RBMS1: variants seen among roughly 807,000 people sequenced by gnomAD.
RBMS1 encodes the protein RNA binding motif single stranded interacting protein 1, also known as RNA-binding motif, single-stranded-interacting protein 1.
A neutral mutation model predicts 62.3 loss-of-function variants in RBMS1; 17 were observed. The observed-to-expected ratio is 0.27, with a 90% confidence interval of 0.19 to 0.41. The LOEUF (loss-of-function observed/expected upper bound fraction) is 0.41, where lower values mean the gene tolerates loss of function less well. Among genes scored for constraint, RBMS1 ranks in the 10% least tolerant of loss-of-function variants. The probability of loss-of-function intolerance (pLI) is 1.00; values close to 1 mark genes in which losing one functional copy is unlikely to be tolerated. For missense variants in RBMS1, 334 were observed against 504.5 expected (o/e 0.66, Z 3.24); for synonymous variants, 172 against 170.0 (o/e 1.01, Z -0.09).
chr2:160,433,470 T>C (rs1336228475), intron 1 of RBMS1, among the ~76,000 whole-genome samples: 1 of 152,238 alleles, frequency 6.6e-6, no homozygotes, highest in Non-Finnish European at 1.5e-5. Flanking sequence ...TTCACAGTTA[T>C]GAGAACTTGA....
intron 1 of RBMS1, among the ~76,000 whole-genome samples, chr2:160,448,735 G>C (rs568978721): frequency 1.3e-5 from 2 of 152,194 alleles, no homozygotes; most frequent in African/African-American, 4.8e-5. Flanking sequence ...GAAGTGAGGA[G>C]CGTCTCTGCC....
chr2:160,387,271 T>A (rs2105202414), intron 1 of RBMS1, among the ~76,000 whole-genome samples: 1 of 152,272 alleles, frequency 6.6e-6, no homozygotes, highest in Non-Finnish European at 1.5e-5. Flanking sequence ...CTGAGGCAAG[T>A]GAGATTACAT....
chr2:160,489,493 T>C (rs1259180370), intron 1 of RBMS1, among the ~76,000 whole-genome samples: 4 of 152,194 alleles, frequency 2.6e-5, no homozygotes, highest in Admixed American at 6.5e-5. Context: ...ATTGATACAA[T>C]ATTCATTTGG....
chr2:160,474,517 T>C (rs1574104507), intron 1 of RBMS1, among the ~76,000 whole-genome samples: 1 of 152,162 alleles, frequency 6.6e-6, no homozygotes, highest in African/African-American at 2.4e-5. Context: ...CACCTCTCAA[T>C]AGGAAGGATT....
chr2:160,332,432 G>T (rs891635181), intron 2 of RBMS1, among the ~76,000 whole-genome samples: 3 of 149,010 alleles, frequency 2.0e-5, no homozygotes, highest in African/African-American at 7.4e-5. Context: ...CCACATAAGA[G>T]AAAAAAAAAA....
rs1249245186 is a variant in RBMS1, at chr2:160,291,947, AGCCATTTATTTTT to A, written c.641-4876_641-4864del. ...TTACTACTTTTCTAAGTCTATGTAG[AGCCATTTATTTTT>A]CACATTTGCAATGATAGGTCCTTTT... On this transcript the variant is annotated intron_variant, in intron 6 of 13. Coordinates refer to ENST00000348849, the MANE Select transcript of RBMS1 (RefSeq NM_016836.4). Among the ~76,000 whole-genome samples the A allele has an allele frequency of 2.6e-5, 4 of 152,286 alleles. No individual in the cohort carries two copies. In the East Asian group the frequency reaches 7.7e-4, roughly 29 times the overall value.
intron 2 of RBMS1, among the ~76,000 whole-genome samples, chr2:160,322,113 A>T (rs1690593349): frequency 6.6e-6 from 1 of 152,206 alleles, no homozygotes; most frequent in Non-Finnish European, 1.5e-5. Context: ...GGTACTTTGC[A>T]TGTATGCTTT....
Position 160,273,551 on chromosome 2 carries a change from G to A in RBMS1, c.*1221C>T, listed in dbSNP as rs547177769. 6.6e-6 allele frequency: 1 copy of A among 152,058 alleles called. No individual in the cohort carries two copies. Among genetic ancestry groups the A allele is most frequent in the East Asian group, 1.9e-4 (1 of 5,190 alleles). 9.4% of individuals were successfully genotyped at this position (152,058 alleles called of 1,614,324 possible). Reference sequence around the variant, plus strand: ...GTAGCCAATCGTTTTGCTTCTATTCGTTATCTCAGCTTATGTTTGAAGATA... The same window carrying A: ...GTAGCCAATCGTTTTGCTTCTATTCATTATCTCAGCTTATGTTTGAAGATA... On this transcript the variant is annotated 3_prime_UTR_variant, in exon 14 of 14. Transcript: ENST00000348849.
chr2:160,337,084 C>T (rs1468715431), intron 2 of RBMS1, among the ~76,000 whole-genome samples: 2 of 151,840 alleles, frequency 1.3e-5, no homozygotes, highest in African/African-American at 2.4e-5. Flanking sequence ...AATAGCAAGG[C>T]ATACTTGAAA....
At chr2:160,423,461 G>A (rs903464758) in intron 1 of RBMS1, among the ~76,000 whole-genome samples, 1 of 151,924 alleles carries the variant, frequency 6.6e-6, no homozygotes, top group Non-Finnish European at 1.5e-5. Context: ...AAGACTGTCC[G>A]TCAGTGGACG....
chr2:160,301,576 A>G (rs1689208275), intron 5 of RBMS1, among the ~76,000 whole-genome samples: 1 of 152,232 alleles, frequency 6.6e-6, no homozygotes, highest in South Asian at 2.1e-4. Context: ...GAACACCCAC[A>G]GAGGTGACAA....
chr2:160,420,964 G>A (rs1436067074), intron 1 of RBMS1, among the ~76,000 whole-genome samples: 2 of 151,986 alleles, frequency 1.3e-5, no homozygotes, highest in African/African-American at 4.8e-5. Context: ...ATGGTACCAC[G>A]ATGTATTTTA....
intron 1 of RBMS1, among the ~76,000 whole-genome samples, chr2:160,387,431 T>G (rs533943976): frequency 3.3e-5 from 5 of 151,730 alleles, no homozygotes; most frequent in African/African-American, 1.2e-4. Flanking sequence ...AACTGGCAGG[T>G]TTTAGGGATG....
chr2:160,291,325 GA>G (rs1405614230), intron 6 of RBMS1, among the ~76,000 whole-genome samples: 5 of 152,160 alleles, frequency 3.3e-5, no homozygotes, highest in Non-Finnish European at 5.9e-5. Context: ...GCCCTTGATA[GA>G]AGCTTCCCTA....
At chr2:160,484,213 T>C (rs1257215695) in intron 1 of RBMS1, among the ~76,000 whole-genome samples, 1 of 152,072 alleles carries the variant, frequency 6.6e-6, no homozygotes, top group Non-Finnish European at 1.5e-5. Flanking sequence ...ATGTACGCCA[T>C]AGGCCGGCGC....
chr2:160,439,821 G>A (rs2105301021), intron 1 of RBMS1, among the ~76,000 whole-genome samples: 1 of 152,344 alleles, frequency 6.6e-6, no homozygotes, highest in South Asian at 2.1e-4. Context: ...GGGAGGCCGA[G>A]GCTGGCGGAT....
In RBMS1 at chr2:160,493,547, C is replaced by T. The variant is rs1339575587; in HGVS notation, c.-184G>A. ...TCCTCCTCCTCCTCCTCCTCTTCCT[C>T]CTCCTCCTCCTCCTCCTCCTCCTCT... On this transcript the variant is annotated 5_prime_UTR_variant, in exon 1 of 14. Transcript: ENST00000348849. 1 of 604,262 alleles carries T rather than the reference C, an allele frequency of 1.7e-6. No homozygotes were observed. Among genetic ancestry groups the T allele is most frequent in the Non-Finnish European group, 2.9e-6 (1 of 343,046 alleles). 37.4% of individuals were successfully genotyped at this position (604,262 alleles called of 1,614,324 possible). A position where few individuals can be genotyped will look rare whatever the true frequency, so the allele number is the denominator to read the frequency against.
At chr2:160,399,808 G>A (rs1695343723) in intron 1 of RBMS1, among the ~76,000 whole-genome samples, 1 of 152,030 alleles carries the variant, frequency 6.6e-6, no homozygotes. Context: ...TTAGAACAGA[G>A]AAAGAAAATG....
rs1687890806 is a variant in RBMS1 at position 160,277,360 on chromosome 2, C to T, written c.1086G>A (p.Met362Ile). 1 of 1,613,336 alleles carries T rather than the reference C, an allele frequency of 6.2e-7. No homozygotes were observed. The highest frequency in any genetic ancestry group is 1.1e-5 in the South Asian group (1 of 91,068). Residue 362 changes from methionine (M) to isoleucine (I), a missense_variant, in exon 12 of 14, where the codon ATG (methionine) becomes ATA (isoleucine). Physicochemically the swap from Met to Ile is conservative, Grantham distance 10. This residue lies in a region of RBMS1 where 182 missense variants were observed against 257.7 expected (regional missense o/e 0.71). Coordinates refer to ENST00000348849, the MANE Select transcript of RBMS1 (RefSeq NM_016836.4). ...CATACTGTGGCAAGTAGGCTCCTTG[C>T]ATAGCTGACGTTGCAGGCATGTACT... ...TGTYMPATSA[M>I]QGAYLPQYAH...
Sources: gnomAD v4.1 joint callset for allele counts (sites outside exome capture counted in the v4.1 genomes callset) on GRCh38, gnomAD v4.1.1 for gene constraint, gnomAD v4.1.1 regional missense constraint, MANE v1.5 for transcripts, NCBI Gene and HGNC (gene_info 2026-07-23, HGNC 2026-07-21) for gene names.